Variants in DPP10 observed in about 807,000 individuals in gnomAD.
The protein encoded by DPP10 is dipeptidyl peptidase like 10.
In DPP10, 33 loss-of-function variants were observed where a neutral mutation model predicts 120.9. The observed-to-expected ratio is 0.27, with a 90% CI of 0.21 to 0.37. The LOEUF (loss-of-function observed/expected upper bound fraction) is 0.37, where lower values mean the gene tolerates loss of function less well. Among genes scored for constraint, DPP10 ranks in the 10% least tolerant of loss-of-function variants. The probability of loss-of-function intolerance (pLI) is 1.00; values close to 1 mark genes in which losing one functional copy is unlikely to be tolerated. For synonymous variants in DPP10, 337 were observed against 326.1 expected (o/e 1.03, Z -0.36); for missense variants, 816 against 942.8 (o/e 0.87, Z 1.76).
At chr2:114,518,220 G>T (rs1194755643) in intron 1 of DPP10, among the ~76,000 whole-genome samples, 2 of 151,766 alleles carry the variant, frequency 1.3e-5, no homozygotes, top group Admixed American at 1.3e-4. Context: ...TGGGATTATA[G>T]GTACCCACCA....
rs1280230019 is a variant in DPP10, at chr2:115,585,343, A to T, written c.441+59371A>T. ...AGGCATGGGTAATCCAGATAATGGC[A>T]TGTTGAAGACATATAATAGAATAAA... On this transcript the variant is annotated intron_variant, in intron 5 of 25. Transcript: ENST00000410059. Among the ~76,000 whole-genome samples, 6 of 152,348 alleles carry T rather than the reference A, an allele frequency of 3.9e-5. 2 individuals carry two copies. Among genetic ancestry groups the T allele is most frequent in the Admixed American group, 3.9e-4 (6 of 15,308 alleles).
At chr2:115,238,356 A>T (rs2058102087) in intron 1 of DPP10, among the ~76,000 whole-genome samples, 1 of 152,252 alleles carries the variant, frequency 6.6e-6, no homozygotes, top group Non-Finnish European at 1.5e-5. Flanking sequence ...CTGTCAAAAT[A>T]TACCTGCTCA....
intron 1 of DPP10, among the ~76,000 whole-genome samples, chr2:115,156,859 T>C (rs1268269501): frequency 2.0e-5 from 3 of 152,186 alleles, no homozygotes; most frequent in African/African-American, 7.2e-5. Flanking sequence ...ACAAATCTGA[T>C]TGAGAAAACT....
At chr2:114,990,244 A>G (rs1238099786) in intron 1 of DPP10, among the ~76,000 whole-genome samples, 2 of 152,170 alleles carry the variant, frequency 1.3e-5, no homozygotes, top group East Asian at 1.9e-4. Flanking sequence ...TAATTTGAAC[A>G]TATTAATAAT....
At chr2:115,630,090 G>T (rs1405897654) in intron 5 of DPP10, among the ~76,000 whole-genome samples, 1 of 152,110 alleles carries the variant, frequency 6.6e-6, no homozygotes, top group Non-Finnish European at 1.5e-5. Flanking sequence ...TTGAGCCATG[G>T]TTTGTAGTTT....
chr2:115,685,703 G>A (rs1345064532), intron 5 of DPP10, among the ~76,000 whole-genome samples: 4 of 151,886 alleles, frequency 2.6e-5, no homozygotes, highest in African/African-American at 7.2e-5. Flanking sequence ...AATAGTTATT[G>A]TGGTGCCTGT....
intron 9 of DPP10, among the ~76,000 whole-genome samples, chr2:115,745,184 T>C (rs1677795529): frequency 6.7e-6 from 1 of 150,338 alleles, no homozygotes; most frequent in Admixed American, 7.1e-5. Flanking sequence ...GCATTGTAGT[T>C]AAGAACATCC....
intron 1 of DPP10, among the ~76,000 whole-genome samples, chr2:115,013,831 C>A (rs192220552): frequency 6.6e-5 from 10 of 152,058 alleles, no homozygotes; most frequent in African/African-American, 2.4e-4. Context: ...CTGGAGCACC[C>A]AAATTCATCA....
intron 5 of DPP10, among the ~76,000 whole-genome samples, chr2:115,616,343 T>A (rs1300013327): frequency 6.6e-6 from 1 of 152,046 alleles, no homozygotes; most frequent in African/African-American, 2.4e-5. Flanking sequence ...TGTTTTCCAA[T>A]TGAGGTAACT....
At chr2:115,802,226 T>C (rs1575821208) in intron 19 of DPP10, among the ~76,000 whole-genome samples, 1 of 152,204 alleles carries the variant, frequency 6.6e-6, no homozygotes, top group Non-Finnish European at 1.5e-5. Flanking sequence ...TGCATAGAGG[T>C]GTTTATAGTA....
At chr2:114,465,688 T>C (rs1002600620) in intron 1 of DPP10, among the ~76,000 whole-genome samples, 1 of 152,226 alleles carries the variant, frequency 6.6e-6, no homozygotes, top group African/African-American at 2.4e-5. Flanking sequence ...ATAATAGAAG[T>C]ATTTTTTGCT....
intron 1 of DPP10, among the ~76,000 whole-genome samples, chr2:114,490,926 A>G (rs920185066): frequency 6.6e-6 from 1 of 152,166 alleles, no homozygotes; most frequent in African/African-American, 2.4e-5. Flanking sequence ...TGCCACGCTA[A>G]TAGGGTTTAA....
At chr2:114,708,735 A>G (rs1700837610) in intron 1 of DPP10, among the ~76,000 whole-genome samples, 1 of 151,998 alleles carries the variant, frequency 6.6e-6, no homozygotes, top group African/African-American at 2.4e-5. Flanking sequence ...TAACTCGTTT[A>G]CTTTTGTTTG....
chr2:115,403,881 A>G (rs1574728975), intron 3 of DPP10, among the ~76,000 whole-genome samples: 1 of 152,228 alleles, frequency 6.6e-6, no homozygotes, highest in African/African-American at 2.4e-5. Context: ...AGAACTGATC[A>G]ATGAATGCAC....
chr2:115,204,604 C>A (rs992229977), intron 1 of DPP10, among the ~76,000 whole-genome samples: 1 of 152,114 alleles, frequency 6.6e-6, no homozygotes, highest in Admixed American at 6.6e-5. Flanking sequence ...AGGGAAATGG[C>A]CTCTGTGGAT....
chr2:114,582,356 G>C (rs1014690316), intron 1 of DPP10, among the ~76,000 whole-genome samples: 1 of 152,288 alleles, frequency 6.6e-6, no homozygotes, highest in South Asian at 2.1e-4. Context: ...GGATATGTTG[G>C]TTGCTTCCAA....
chr2:115,826,917 A>C (rs981944884), intron 21 of DPP10, among the ~76,000 whole-genome samples: 1 of 152,058 alleles, frequency 6.6e-6, no homozygotes, highest in Non-Finnish European at 1.5e-5. Flanking sequence ...TTTTTTATTC[A>C]ATCTGACAGA....
rs1029415027 is a variant in DPP10 at position 114,644,560 on chromosome 2, A to G, written c.60+201722A>G. On this transcript the variant is annotated intron_variant, in intron 1 of 25. Transcript: ENST00000410059. The stretch of plus-strand genomic sequence containing the variant: ...TCAGTGAGACCCTGTTGCCTTGGCC[A>G]TATCAGAGTCTCTGGATGCAGGGCC... Among the ~76,000 whole-genome samples, 31 of 151,870 alleles carry G rather than the reference A, an allele frequency of 2.0e-4. 1 individual carries two copies. The highest frequency in any genetic ancestry group is 7.5e-4 in the African/African-American group (31 of 41,144).
chr2:115,160,689 G>A (rs1444914884), intron 1 of DPP10, among the ~76,000 whole-genome samples: 1 of 152,280 alleles, frequency 6.6e-6, no homozygotes, highest in African/African-American at 2.4e-5. Context: ...CAGGCTTTAG[G>A]CGCCCTAGGG....
Sources: gnomAD v4.1 joint callset for allele counts (sites outside exome capture counted in the v4.1 genomes callset) on GRCh38, gnomAD v4.1.1 for gene constraint, MANE v1.5 for transcripts, NCBI Gene and HGNC (gene_info 2026-07-23, HGNC 2026-07-21) for gene names.